Variants in NKAIN2 observed in about 807,000 individuals in gnomAD.
NKAIN2 encodes sodium/potassium-transporting ATPase subunit beta-1-interacting protein 2.
A neutral mutation model predicts 32.6 loss-of-function variants in NKAIN2; 14 were observed. That is an observed-to-expected ratio of 0.43 (90% CI 0.28 to 0.67). NKAIN2 has a LOEUF of 0.67. NKAIN2 is among the 30% of genes least tolerant of loss of function. The pLI is 0.17. For synonymous variants in NKAIN2, 80 were observed against 87.2 expected (o/e 0.92, Z 0.46); for missense variants, 198 against 258.3 (o/e 0.77, Z 1.60).
intron 3 of NKAIN2, among the ~76,000 whole-genome samples, chr6:124,404,783 G>A (rs1000373082): frequency 2.7e-5 from 4 of 150,408 alleles, no homozygotes; most frequent in Non-Finnish European, 4.5e-5. Context: ...TTTAAGATAT[G>A]TTTGTTTACT....
intron 1 of NKAIN2, among the ~76,000 whole-genome samples, chr6:124,067,705 C>A (rs1475097321): frequency 3.3e-5 from 5 of 152,036 alleles, no homozygotes; most frequent in African/African-American, 9.7e-5. Flanking sequence ...ATATACTACC[C>A]CTGGTTTCAA....
At chr6:124,110,784 T>A (rs1439846524) in intron 1 of NKAIN2, among the ~76,000 whole-genome samples, 1 of 152,152 alleles carries the variant, frequency 6.6e-6, no homozygotes, top group Non-Finnish European at 1.5e-5. Flanking sequence ...ATTTTCTTTA[T>A]CCAACCCACC....
chr6:123,935,880 A>T (rs551872263), intron 1 of NKAIN2, among the ~76,000 whole-genome samples: 2 of 152,232 alleles, frequency 1.3e-5, no homozygotes, highest in Non-Finnish European at 2.9e-5. Context: ...ACTGGTGAAT[A>T]GCCATACTTG....
intron 3 of NKAIN2, among the ~76,000 whole-genome samples, chr6:124,401,890 G>A (rs1229624958): frequency 1.3e-5 from 2 of 152,036 alleles, no homozygotes; most frequent in Admixed American, 1.3e-4. Flanking sequence ...TTTGATAAAT[G>A]GAACTTCTAT....
intron 3 of NKAIN2, among the ~76,000 whole-genome samples, chr6:124,397,537 T>C (rs1283610151): frequency 6.6e-6 from 1 of 152,092 alleles, no homozygotes; most frequent in East Asian, 1.9e-4. Context: ...GTTTTTTTTT[T>C]TTAATTATAA....
chr6:124,512,924 A>G (rs760421440), intron 3 of NKAIN2, among the ~76,000 whole-genome samples: 1 of 152,180 alleles, frequency 6.6e-6, no homozygotes, highest in African/African-American at 2.4e-5. Context: ...AAATAGCAAG[A>G]CATTATATAA....
chr6:123,908,908 T>C (rs1190090702), intron 1 of NKAIN2, among the ~76,000 whole-genome samples: 3 of 152,194 alleles, frequency 2.0e-5, no homozygotes, highest in Non-Finnish European at 4.4e-5. Context: ...TAGACATTTA[T>C]TTTAATTGCA....
At chr6:123,901,794 A>T (rs113876136) in intron 1 of NKAIN2, among the ~76,000 whole-genome samples, 52 of 152,154 alleles carry the variant, frequency 3.4e-4, no homozygotes, top group Non-Finnish European at 6.0e-4. Context: ...ATCTGACACA[A>T]GAGTTTCCAC....
At chr6:124,458,081 C>G (rs1776390714) in intron 3 of NKAIN2, among the ~76,000 whole-genome samples, 1 of 151,786 alleles carries the variant, frequency 6.6e-6, no homozygotes, top group African/African-American at 2.4e-5. Flanking sequence ...GTCAAATTTG[C>G]TTAAAATAAT....
At chr6:124,688,413 C>G (rs996292186) in intron 4 of NKAIN2, among the ~76,000 whole-genome samples, 27 of 152,066 alleles carry the variant, frequency 1.8e-4, no homozygotes, top group African/African-American at 6.5e-4. Flanking sequence ...TGCACAGCCT[C>G]CCCCATTATC....
At chr6:123,946,942 A>C (rs1227035811) in intron 1 of NKAIN2, among the ~76,000 whole-genome samples, 1 of 152,178 alleles carries the variant, frequency 6.6e-6, no homozygotes, top group Non-Finnish European at 1.5e-5. Flanking sequence ...ACGATCATTC[A>C]AGGACAAACC....
chr6:124,823,316 C>T lies in NKAIN2; in HGVS notation c.*87C>T. On this transcript the variant is annotated 3_prime_UTR_variant, in exon 7 of 7. Coordinates refer to ENST00000368417, the MANE Select transcript of NKAIN2 (RefSeq NM_001040214.3). The stretch of plus-strand genomic sequence containing the variant: ...CCTGCATTTCATGAAGAGCAAGAAG[C>T]AACTGAGTTTAAATACATACACGTA... 1 of 915,744 alleles carries T rather than the reference C, an allele frequency of 1.1e-6. No individual in the cohort carries two copies. The highest frequency in any genetic ancestry group is 1.8e-6 in the Non-Finnish European group (1 of 542,520). The allele number at this position is 915,744 out of a possible 1,614,324, so 56.7% of individuals were successfully genotyped here.
chr6:124,519,797 A>AAGAAC (rs1483911132), intron 3 of NKAIN2, among the ~76,000 whole-genome samples: 1 of 152,222 alleles, frequency 6.6e-6, no homozygotes, highest in African/African-American at 2.4e-5. Context: ...AAAAACATGT[A>AAGAAC]AGAACAGATC....
chr6:124,345,246 T>G (rs1798346970), intron 2 of NKAIN2, among the ~76,000 whole-genome samples: 1 of 152,204 alleles, frequency 6.6e-6, no homozygotes, highest in Non-Finnish European at 1.5e-5. Flanking sequence ...AGTATTTTAT[T>G]GATGATTTTT....
At chr6:124,787,573 G>A (rs1234495354) in intron 4 of NKAIN2, among the ~76,000 whole-genome samples, 4 of 152,104 alleles carry the variant, frequency 2.6e-5, no homozygotes, top group Non-Finnish European at 5.9e-5. Context: ...AAAGCTACCT[G>A]ATAGATGTCA....
chr6:124,039,211 A>G (rs1035708439), intron 1 of NKAIN2, among the ~76,000 whole-genome samples: 1 of 152,064 alleles, frequency 6.6e-6, no homozygotes, highest in African/African-American at 2.4e-5. Flanking sequence ...AACTCTGAGA[A>G]ATAACATTAT....
chr6:124,322,136 A>G (rs1178052983), intron 2 of NKAIN2, among the ~76,000 whole-genome samples: 4 of 152,174 alleles, frequency 2.6e-5, no homozygotes, highest in Non-Finnish European at 5.9e-5. Context: ...AACTTTGTAA[A>G]CCAGATTTAG....
intron 3 of NKAIN2, among the ~76,000 whole-genome samples, chr6:124,366,099 T>G (rs1330219745): frequency 1.3e-5 from 2 of 151,978 alleles, no homozygotes; most frequent in Non-Finnish European, 2.9e-5. Flanking sequence ...CAAATGAAAC[T>G]TCTCTAAAGT....
At chr6:123,837,512 T>G (rs1477095001) in intron 1 of NKAIN2, among the ~76,000 whole-genome samples, 1 of 152,152 alleles carries the variant, frequency 6.6e-6, no homozygotes. Context: ...TACTTCTCAC[T>G]TACTCTTTTA....
Sources: gnomAD v4.1 joint callset for allele counts (sites outside exome capture counted in the v4.1 genomes callset) on GRCh38, gnomAD v4.1.1 for gene constraint, MANE v1.5 for transcripts, NCBI Gene and HGNC (gene_info 2026-07-23, HGNC 2026-07-21) for gene names.